Variants in FCGR1A observed in about 807,000 individuals in gnomAD.
The protein encoded by FCGR1A is high affinity immunoglobulin gamma Fc receptor I.
FCGR1A carries 13 observed loss-of-function variants against 35.0 expected under a neutral mutation model. That is an observed-to-expected ratio of 0.37 (90% CI 0.24 to 0.59). The LOEUF is 0.59. Ranked by LOEUF, FCGR1A falls within the 20% of genes least tolerant of loss-of-function variation. The pLI, the probability that FCGR1A is intolerant of heterozygous loss-of-function variation, is 0.71. For synonymous variants in FCGR1A, 91 were observed against 164.7 expected, an observed-to-expected ratio of 0.55 and a Z score of 3.43; for missense variants, 227 against 430.0, an observed-to-expected ratio of 0.53 and a Z score of 4.17.
At chr1:149,792,569 G>A (rs2101425729), downstream of FCGR1A, 1 of 1,187,118 alleles carries the variant, frequency 8.4e-7, no homozygotes, top group African/African-American at 1.7e-5. Flanking sequence ...ATGATGGGAT[G>A]GGGCGTCGCG....
Position 149,791,333 on chromosome 1 carries a change from G to T in FCGR1A, c.941G>T (p.Arg314Leu), listed in dbSNP as rs782220562. ...AACACTGTTCTCTGGGTGACAATAC[G>T]TAAAGAACTGAAAAGAAAGAAAAAG... ...LVNTVLWVTI[R>L]KELKRKKKWD... is the part of the protein sequence containing the mutation. The change falls in exon 6 of 6, where the codon CGT (arginine) becomes CTT (leucine). Residue 314 changes from arginine (R) to leucine (L), a missense_variant. This residue lies in a region of FCGR1A where 39 missense variants were observed against 101.3 expected (regional missense o/e 0.38). Coordinates refer to ENST00000369168, the MANE Select transcript of FCGR1A (RefSeq NM_000566.4). 1.3e-6 allele frequency: 2 copies of T among 1,589,394 alleles called. No homozygotes were observed. Among genetic ancestry groups the T allele is most frequent in the Admixed American group, 1.7e-5 (1 of 59,300 alleles).
At chr1:149,784,401 T>A (rs2091484521) in intron 3 of FCGR1A, 144 bp downstream of exon 3, 1 of 1,451,872 alleles carries the variant, frequency 6.9e-7, no homozygotes. Context: ...ACTAAATCAG[T>A]ATACTCAAAA....
downstream of FCGR1A, chr1:149,793,260 C>G: frequency 8.0e-7 from 1 of 1,245,036 alleles, no homozygotes; most frequent in Non-Finnish European, 1.0e-6. Flanking sequence ...AGGGAGGGAG[C>G]GGGTGGGGAG....
At position 149,788,513 on chromosome 1, in the gene FCGR1A, A is replaced by C. The variant is rs782684629; in HGVS notation, c.455A>C (p.Asn152Thr). 12 of 1,613,810 alleles carry C rather than the reference A, an allele frequency of 7.4e-6. No individual in the cohort carries two copies. Among genetic ancestry groups the C allele is most frequent in the Non-Finnish European group, 1.0e-5 (12 of 1,179,832 alleles). Residue 152 changes from asparagine to threonine, a missense_variant, in exon 4 of 6, where the codon AAC becomes ACC. Physicochemically the swap from Asn to Thr is moderately conservative, Grantham distance 65 (BLOSUM62 0). Transcript: ENST00000369168. ...KAFKFFHWNS[N>T]LTILKTNISH... ...TTTAAGTTTTTCCACTGGAATTCTA[A>C]CCTCACCATTCTGAAAACCAACATA...
Position 149,784,147 on chromosome 1 carries a change from C to T in FCGR1A, c.197C>T (p.Ser66Leu), listed in dbSNP as rs144081076. Residue 66 changes from serine (S) to leucine (L), a missense_variant, in exon 3 of 6, where the codon TCG becomes TTG. This residue lies in a region of FCGR1A where 185 missense variants were observed against 306.6 expected (regional missense o/e 0.60). Transcript: ENST00000369168. ...CTCAATGGCACAGCCACTCAGACCT[C>T]GACCCCCAGCTACAGAATCACCTCT... ...WFLNGTATQT[S>L]TPSYRITSAS... 9.4e-4 allele frequency: 1,521 copies of T among 1,611,690 alleles called. 10 individuals are homozygous for T. In the East Asian group the frequency reaches 0.013, roughly 14 times the overall value.
chr1:149,799,881 G>C, the FCGR1A span, among the ~76,000 whole-genome samples: 1 of 152,168 alleles, frequency 6.6e-6, no homozygotes, highest in African/African-American at 2.4e-5. Flanking sequence ...GACGGCGGAG[G>C]GGGGTTCTCC....
chr1:149,782,761 T>A lies in FCGR1A; in HGVS notation c.18T>A (p.Thr6=). 1.3e-6 allele frequency: 2 copies of A among 1,596,972 alleles called. No individual in the cohort carries two copies. Among genetic ancestry groups the A allele is most frequent in the Non-Finnish European group, 1.7e-6 (2 of 1,171,660 alleles). ...GAGACAACATGTGGTTCTTGACAACTCTGCTCCTTTGGGGTAAGTTGGACT... is the reference window on the plus strand; with the variant it reads ...GAGACAACATGTGGTTCTTGACAACACTGCTCCTTTGGGGTAAGTTGGACT... MWFLT[T]LLLWVPVDGQ... The change falls in exon 1 of 6, where the codon ACT becomes ACA. Residue 6 remains threonine (T), a synonymous_variant. Coordinates refer to ENST00000369168, the MANE Select transcript of FCGR1A (RefSeq NM_000566.4).
At position 149,782,768 on chromosome 1, in the gene FCGR1A, C is replaced by T; in HGVS notation, c.25C>T (p.Leu9Phe). Reference protein sequence around the residue: MWFLTTLLLWVPVDGQVDT... With the variant: MWFLTTLLFWVPVDGQVDT... Reference sequence around the variant, plus strand: ...CATGTGGTTCTTGACAACTCTGCTCCTTTGGGGTAAGTTGGACTCAGAGGG... The same window carrying T: ...CATGTGGTTCTTGACAACTCTGCTCTTTTGGGGTAAGTTGGACTCAGAGGG... Residue 9 changes from leucine (L) to phenylalanine (F), a missense_variant, in exon 1 of 6, where the codon CTT becomes TTT. This residue lies in a region of FCGR1A where 3 missense variants were observed against 22.1 expected (regional missense o/e 0.14). Coordinates refer to ENST00000369168, the MANE Select transcript of FCGR1A (RefSeq NM_000566.4). 6.3e-7 allele frequency: 1 copy of T among 1,596,006 alleles called. No homozygotes were observed. The highest frequency in any genetic ancestry group is 8.5e-7 in the Non-Finnish European group (1 of 1,170,578).
At chr1:149,789,962 C>T in intron 4 of FCGR1A, 92 bp from the exon 5 acceptor site, 13 of 1,610,252 alleles carry the variant, frequency 8.1e-6, no homozygotes, top group Non-Finnish European at 1.1e-5. Context: ...TTTCTAGGGC[C>T]AGGTTTCCCA....
chr1:149,793,053 G>C, downstream of FCGR1A: 1 of 1,261,888 alleles, frequency 7.9e-7, no homozygotes, highest in Non-Finnish European at 1.0e-6. Context: ...CCCCGGCGCG[G>C]CGCCACCTGG....
At chr1:149,799,895 C>CAGCA in the FCGR1A span, among the ~76,000 whole-genome samples, 2 of 152,182 alleles carry the variant, frequency 1.3e-5, no homozygotes, top group African/African-American at 4.8e-5. Context: ...GTTCTCCATA[C>CAGCA]AGCAAGCAAG....
At chr1:149,798,448 TAAGA>T in the FCGR1A span, among the ~76,000 whole-genome samples, 1 of 152,146 alleles carries the variant, frequency 6.6e-6, no homozygotes, top group African/African-American at 2.4e-5. Flanking sequence ...TGTCAATTCC[TAAGA>T]AAGGTATATT....
chr1:149,784,659 T>C (rs1159288851), intron 3 of FCGR1A, among the ~76,000 whole-genome samples: 1 of 148,732 alleles, frequency 6.7e-6, no homozygotes, highest in Non-Finnish European at 1.5e-5. Context: ...TATATACATA[T>C]TATGCATATA....
At position 149,784,115 on chromosome 1, in the gene FCGR1A, GT is replaced by G; in HGVS notation, c.166del (p.Trp56GlyfsTer67). The G allele has an allele frequency of 1.2e-6, 2 of 1,611,884 alleles. No individual in the cohort carries two copies. The highest frequency in any genetic ancestry group is 1.7e-6 in the Non-Finnish European group (2 of 1,179,868). On this transcript the variant is annotated frameshift_variant, in exon 3 of 6. Transcript: ENST00000369168. LOFTEE classifies it high-confidence loss of function. ...ATCTGCCTGGGAGCAGCTCTACACA[GT>G]GGTTTCTCAATGGCACAGCCACTCA... ...LHLPGSSSTQ[W>X]FLNGTATQTS...
chr1:149,791,638 A>T lies in FCGR1A; in HGVS notation c.*121A>T. The stretch of plus-strand genomic sequence containing the variant: ...AGAACTGTGTGTCTCATGGTATGTA[A>T]CTCTTAAAGCAAATAAATGAACTGA... On this transcript the variant is annotated 3_prime_UTR_variant, in exon 6 of 6. Transcript: ENST00000369168. 6.6e-7 allele frequency: 1 copy of T among 1,505,868 alleles called. No individual in the cohort carries two copies. Among genetic ancestry groups the T allele is most frequent in the Admixed American group, 2.3e-5 (1 of 42,612 alleles). The allele number at this position is 1,505,868 out of a possible 1,614,324, so 93.3% of individuals were successfully genotyped here. A position where few individuals can be genotyped will look rare whatever the true frequency, so the allele number is the denominator to read the frequency against.
intron 3 of FCGR1A, chr1:149,786,124 A>C (rs1553750819): frequency 6.6e-6 from 1 of 152,128 alleles, no homozygotes; most frequent in Non-Finnish European, 1.5e-5. Context: ...CTAATGTTTG[A>C]CAGTATCTGA....
chr1:149,799,432 G>A, the FCGR1A span, among the ~76,000 whole-genome samples: 1 of 152,056 alleles, frequency 6.6e-6, no homozygotes, highest in African/African-American at 2.4e-5. Context: ...GAATTTAATA[G>A]GACCTTGCAA....
the FCGR1A span, among the ~76,000 whole-genome samples, chr1:149,797,114 T>A: frequency 6.6e-6 from 1 of 152,232 alleles, no homozygotes; most frequent in Non-Finnish European, 1.5e-5. Context: ...GGTTTCACCA[T>A]CTTGGCTAGG....
chr1:149,791,744 T>G, downstream of FCGR1A: 1 of 585,036 alleles, frequency 1.7e-6, no homozygotes, highest in East Asian at 3.0e-5. Context: ...CTTGAAAAAC[T>G]TACAAGTCAA....
Sources: allele counts gnomAD v4.1 joint callset (sites outside exome capture counted in the v4.1 genomes callset), GRCh38; gene constraint gnomAD v4.1.1; regional missense constraint gnomAD v4.1.1; transcripts MANE v1.5; gene names NCBI Gene and HGNC (gene_info 2026-07-23, HGNC 2026-07-21).